The following ADORA2A variants were observed in gnomAD, a reference collection of about 807,000 sequenced individuals.
ADORA2A encodes the protein adenosine A2a receptor, also known as adenosine receptor A2a.
ADORA2A carries 11 observed loss-of-function variants against 18.4 expected under a neutral mutation model. The observed-to-expected ratio is 0.60, with a 90% CI of 0.38 to 0.99. ADORA2A has a LOEUF of 0.99. Among genes scored for constraint, ADORA2A ranks in the 50% least tolerant of loss-of-function variants. The probability of loss-of-function intolerance (pLI) is 0.01; values close to 1 mark genes in which losing one functional copy is unlikely to be tolerated. For synonymous variants in ADORA2A, 218 were observed against 237.3 expected, an observed-to-expected ratio of 0.92 and a Z score of 0.75; for missense variants, 449 against 556.1, an observed-to-expected ratio of 0.81 and a Z score of 1.94.
intron 2 of ADORA2A, chr22:24,438,268 C>G (rs907673217): frequency 9.2e-5 from 14 of 152,204 alleles, no homozygotes; most frequent in African/African-American, 1.9e-4. Flanking sequence ...AACTGAGGCT[C>G]AGAGAGACAA....
chr22:24,434,985 T>A (rs2043137246), intron 2 of ADORA2A, among the ~76,000 whole-genome samples: 1 of 152,148 alleles, frequency 6.6e-6, no homozygotes, highest in Non-Finnish European at 1.5e-5. Flanking sequence ...ATGAGCAGCC[T>A]GTCTCGCAGA....
At chr22:24,426,434 C>A (rs528658123), upstream of ADORA2A, among the ~76,000 whole-genome samples, 1 of 152,238 alleles carries the variant, frequency 6.6e-6, no homozygotes, top group East Asian at 1.9e-4. Context: ...ACTGCACAGG[C>A]AGGAGCTGAG....
chr22:24,428,843 A>G lies in ADORA2A; in HGVS notation c.-275+1097A>G, dbSNP rs2042960116. 5.3e-5 allele frequency among the ~76,000 whole-genome samples: 8 copies of G among 152,172 alleles called. No individual in the cohort carries two copies. In the South Asian group the frequency reaches 1.7e-3, roughly 31 times the overall value. ...CTTTCCTCCTTTGAGGTCCCCTGCCATATGCTCAGATGGGGCCAGGCACAG... is the reference window on the plus strand; with the variant it reads ...CTTTCCTCCTTTGAGGTCCCCTGCCGTATGCTCAGATGGGGCCAGGCACAG... On this transcript the variant is annotated intron_variant, in intron 1 of 2. Coordinates refer to ENST00000337539, the MANE Select transcript of ADORA2A (RefSeq NM_000675.6).
In ADORA2A at chr22:24,433,140, G is replaced by A. The variant is rs200926468; in HGVS notation, c.-265G>A. ...GGCTGTCCCTTTGCAGGTGCCTCAG[G>A]AACCCTGAAGCTGGGCTGAGCCATG... is the stretch of plus-strand genomic sequence containing the variant. On this transcript the variant is annotated 5_prime_UTR_variant, in exon 2 of 3. Transcript: ENST00000337539. 14 of 566,742 alleles carry A rather than the reference G, an allele frequency of 2.5e-5. No homozygotes were observed. In the South Asian group the frequency reaches 3.1e-4, roughly 12 times the overall value. The allele number at this position is 566,742 out of a possible 1,614,324, so 35.1% of individuals were successfully genotyped here. A position where few individuals can be genotyped will look rare whatever the true frequency, so the allele number is the denominator to read the frequency against.
Position 24,437,160 on chromosome 22 carries a change from T to C in ADORA2A, c.333-3423T>C, listed in dbSNP as rs1319969003. On this transcript the variant is annotated intron_variant, in intron 2 of 2. Transcript: ENST00000337539. ...CTTGGACCATAGGGTGAGCCCCCAG[T>C]GTGGGTAATGGAGATCCCCAGAAAG... 2.0e-5 allele frequency among the ~76,000 whole-genome samples: 3 copies of C among 151,980 alleles called. No homozygotes were observed. The East Asian group carries it at 5.8e-4, about 29-fold the overall frequency.
rs1369259880 is a variant in ADORA2A, at chr22:24,433,450, A to G, written c.46A>G (p.Ile16Val). ...GGTGTACATCACGGTGGAGCTGGCC[A>G]TTGCTGTGCTGGCCATCCTGGGCAA... ...SSVYITVELA[I>V]AVLAILGNVL... Residue 16 changes from isoleucine to valine, a missense_variant, in exon 2 of 3, where the codon ATT becomes GTT. By Grantham distance (29) the Ile-to-Val change is conservative (BLOSUM62 3). Coordinates refer to ENST00000337539, the MANE Select transcript of ADORA2A (RefSeq NM_000675.6). The G allele has an allele frequency of 4.3e-6, 7 of 1,612,684 alleles. No individual in the cohort carries two copies. The highest frequency in any genetic ancestry group is 5.9e-6 in the Non-Finnish European group (7 of 1,179,572).
At chr22:24,439,074 T>TTTTTTTC (rs1370649230) in intron 2 of ADORA2A, among the ~76,000 whole-genome samples, 3 of 101,864 alleles carry the variant, frequency 2.9e-5, no homozygotes, top group Non-Finnish European at 6.2e-5. Flanking sequence ...CCTTGCACCT[T>TTTTTTTC]TTTTTTTTTT....
chr22:24,440,121 C>G (rs1331121699), intron 2 of ADORA2A, among the ~76,000 whole-genome samples: 1 of 152,166 alleles, frequency 6.6e-6, no homozygotes, highest in Non-Finnish European at 1.5e-5. Flanking sequence ...CCCCTTCAAG[C>G]CTGTTGTAGC....
chr22:24,435,908 TGAC>T (rs138491853), intron 2 of ADORA2A, among the ~76,000 whole-genome samples: 13 of 152,152 alleles, frequency 8.5e-5, no homozygotes, highest in African/African-American at 3.1e-4. Context: ...CTGGAGAGGA[TGAC>T]GACGATGATG....
At chr22:24,437,702 A>G (rs2043214475) in intron 2 of ADORA2A, among the ~76,000 whole-genome samples, 1 of 152,224 alleles carries the variant, frequency 6.6e-6, no homozygotes, top group African/African-American at 2.4e-5. Context: ...TTGCATATAT[A>G]AGCAAGTGCT....
rs2043084044 is a variant in ADORA2A, at chr22:24,433,169, C to A, written c.-236C>A. The A allele has an allele frequency of 3.4e-6, 2 of 585,650 alleles. No individual in the cohort carries two copies. 36.3% of individuals were successfully genotyped at this position (585,650 alleles called of 1,614,324 possible). ...CCTGAAGCTGGGCTGAGCCATGATG[C>A]TGCTGCCAGAACCCCTGCAGAGGGC... On this transcript the variant is annotated 5_prime_UTR_variant, in exon 2 of 3. The change creates a new upstream start codon in the 5' untranslated region. Transcript: ENST00000337539.
chr22:24,425,277 T>C (rs2042904557), upstream of ADORA2A, among the ~76,000 whole-genome samples: 1 of 150,704 alleles, frequency 6.6e-6, no homozygotes, highest in Admixed American at 6.6e-5. Flanking sequence ...TCACTGGCCC[T>C]GCTTTGGCCG....
At chr22:24,439,662 T>C (rs1217214477) in intron 2 of ADORA2A, 1 of 152,066 alleles carries the variant, frequency 6.6e-6, no homozygotes, top group East Asian at 1.9e-4. Context: ...TCATGAAATC[T>C]AGGCCACCTT....
At chr22:24,435,063 C>T (rs2043139292) in intron 2 of ADORA2A, among the ~76,000 whole-genome samples, 1 of 152,172 alleles carries the variant, frequency 6.6e-6, no homozygotes, top group South Asian at 2.1e-4. Context: ...CTGGGCTGCT[C>T]CAGGGAAGGG....
intron 2 of ADORA2A, among the ~76,000 whole-genome samples, chr22:24,436,856 T>A (rs2043191410): frequency 6.6e-6 from 1 of 152,056 alleles, no homozygotes; most frequent in Non-Finnish European, 1.5e-5. Context: ...GGGCAAAGCC[T>A]GGGACAAGAC....
chr22:24,433,771 T>C (rs201369603), intron 2 of ADORA2A, 35 bp downstream of exon 2: 5 of 1,576,800 alleles, frequency 3.2e-6, no homozygotes, highest in Middle Eastern at 1.7e-4. Context: ...GTGCAAAGGC[T>C]GTTGGTGCCC....
chr22:24,434,946 A>C (rs1187832907), intron 2 of ADORA2A, among the ~76,000 whole-genome samples: 1 of 152,104 alleles, frequency 6.6e-6, no homozygotes, highest in Non-Finnish European at 1.5e-5. Flanking sequence ...CCTGATCCCC[A>C]CTGTGACTTC....
chr22:24,434,878 T>A (rs1377648127), intron 2 of ADORA2A, among the ~76,000 whole-genome samples: 1 of 152,204 alleles, frequency 6.6e-6, no homozygotes, highest in Non-Finnish European at 1.5e-5. Context: ...GCCAGCTGTT[T>A]CCGGGCCACA....
At chr22:24,428,220 T>A (rs1021525377) in intron 1 of ADORA2A, among the ~76,000 whole-genome samples, 18 of 152,144 alleles carry the variant, frequency 1.2e-4, no homozygotes, top group Non-Finnish European at 2.1e-4. Context: ...CCCTGGGCCA[T>A]CCCAAAAGCC....
Sources: gnomAD v4.1 joint callset for allele counts (sites outside exome capture counted in the v4.1 genomes callset) on GRCh38, gnomAD v4.1.1 for gene constraint, MANE v1.5 for transcripts, NCBI Gene and HGNC (gene_info 2026-07-23, HGNC 2026-07-21) for gene names.